Variants in HAO1 observed in about 807,000 individuals in gnomAD.
The protein encoded by HAO1 is hydroxyacid oxidase 1, also known as 2-Hydroxyacid oxidase 1.
Under a neutral mutation model 39.7 loss-of-function variants are expected in HAO1, and 34 were observed. The ratio of observed to expected loss-of-function variants is 0.86; its 90% CI spans 0.65 to 1.14. The LOEUF (loss-of-function observed/expected upper bound fraction) is 1.14, where lower values mean the gene tolerates loss of function less well. Ranked by LOEUF, HAO1 falls within the 50% of genes most tolerant of loss-of-function variation. The pLI, the probability that HAO1 is intolerant of heterozygous loss-of-function variation, is 0.00. For synonymous variants in HAO1, 172 were observed against 173.2 expected (o/e 0.99, Z 0.05); for missense variants, 479 against 464.5 (o/e 1.03, Z -0.29).
chr20:7,898,955 A>T (rs1447748000), intron 4 of HAO1, among the ~76,000 whole-genome samples: 1 of 152,064 alleles, frequency 6.6e-6, no homozygotes, highest in African/African-American at 2.4e-5. Flanking sequence ...TAAAAAAAAA[A>T]AAACAAAAAA....
chr20:7,893,837 C>T (rs2050184830), intron 5 of HAO1, among the ~76,000 whole-genome samples: 1 of 152,154 alleles, frequency 6.6e-6, no homozygotes, highest in Non-Finnish European at 1.5e-5. Context: ...TAAACTCTTC[C>T]TCTATTGCAA....
intron 5 of HAO1, among the ~76,000 whole-genome samples, chr20:7,894,191 G>A (rs908566268): frequency 6.6e-6 from 1 of 152,066 alleles, no homozygotes; most frequent in Non-Finnish European, 1.5e-5. Context: ...CAGGAAATGT[G>A]TCCCTCTCCA....
chr20:7,914,424 G>A lies in HAO1; in HGVS notation c.290-5C>T. 6.2e-7 allele frequency: 1 copy of A among 1,612,464 alleles called. No homozygotes were observed. Among genetic ancestry groups the A allele is most frequent in the Non-Finnish European group, 8.5e-7 (1 of 1,179,090 alleles). ...CCGTTCCCAGGGACTGACAGGCTGA[G>A]AAAGAAAGGGGATGATCAAGATGGG... On this transcript the variant is annotated splice_polypyrimidine_tract_variant and splice_region_variant and intron_variant, in intron 2 of 7. Transcript: ENST00000378789.
chr20:7,902,184 T>C (rs2050223971), intron 4 of HAO1, among the ~76,000 whole-genome samples: 1 of 152,246 alleles, frequency 6.6e-6, no homozygotes, highest in Non-Finnish European at 1.5e-5. Context: ...TTGAGAGGAC[T>C]GACTCCAATG....
At chr20:7,936,547 T>TGTGTGC (rs751822933) in intron 1 of HAO1, among the ~76,000 whole-genome samples, 13 of 136,738 alleles carry the variant, frequency 9.5e-5, no homozygotes, top group African/African-American at 3.4e-4. Flanking sequence ...TGTGTGTGTG[T>TGTGTGC]TCGCGCGCGC....
At chr20:7,912,329 T>C (rs1313414551) in intron 3 of HAO1, among the ~76,000 whole-genome samples, 1 of 152,156 alleles carries the variant, frequency 6.6e-6, no homozygotes, top group African/African-American at 2.4e-5. Flanking sequence ...AACTGTGTCA[T>C]CTGCACCCCA....
Position 7,883,582 on chromosome 20 carries a change from A to G in HAO1, c.*11T>C, listed in dbSNP as rs2050137751. 6.3e-7 allele frequency: 1 copy of G among 1,599,642 alleles called. No homozygotes were observed. The highest frequency in any genetic ancestry group is 1.1e-5 in the South Asian group (1 of 90,792). On this transcript the variant is annotated 3_prime_UTR_variant, in exon 8 of 8. Transcript: ENST00000378789. ...AAAAAAATAATACAGATGGGAAAAT[A>G]TTGTGCACTGTCAGATCTTGGAAAC...
intron 2 of HAO1, among the ~76,000 whole-genome samples, chr20:7,933,858 T>G (rs1026205949): frequency 6.6e-6 from 1 of 152,176 alleles, no homozygotes; most frequent in Non-Finnish European, 1.5e-5. Flanking sequence ...TTACATCATA[T>G]TTGATTTTCT....
intron 4 of HAO1, among the ~76,000 whole-genome samples, chr20:7,898,515 A>G (rs1047896714): frequency 9.2e-5 from 14 of 152,162 alleles, no homozygotes; most frequent in African/African-American, 3.4e-4. Context: ...TCAGTCCATC[A>G]TTTTAAACCA....
At chr20:7,905,598 G>A (rs947895568) in intron 4 of HAO1, among the ~76,000 whole-genome samples, 3 of 152,166 alleles carry the variant, frequency 2.0e-5, no homozygotes, top group African/African-American at 7.2e-5. Context: ...GGATGCTGGA[G>A]GAAATAGTTA....
At chr20:7,920,070 A>G (rs1387248777) in intron 2 of HAO1, among the ~76,000 whole-genome samples, 1 of 152,058 alleles carries the variant, frequency 6.6e-6, no homozygotes, top group African/African-American at 2.4e-5. Context: ...TTTTAATCCC[A>G]CGCATCAAGG....
In HAO1 at chr20:7,906,323, T is replaced by G. The variant is rs987959356; in HGVS notation, c.552A>C (p.Lys184Asn). The G allele has an allele frequency of 2.5e-6, 4 of 1,590,224 alleles. No individual in the cohort carries two copies. The Middle Eastern group carries it at 5.0e-4, about 199-fold the overall frequency. The change falls in exon 4 of 8, where the codon AAA (lysine) becomes AAC (asparagine). Residue 184 changes from lysine (K) to asparagine (N), a missense_variant. By Grantham distance (94) the Lys-to-Asn change is moderately conservative. Coordinates refer to ENST00000378789, the MANE Select transcript of HAO1 (RefSeq NM_017545.3). The part of the protein sequence containing the change: ...RFKLPPQLRM[K>N]NFETSTLSFS... ...ATGATAAAGTACTGGTTTCAAAATT[T>G]TTCATCCTAAAATAAGAAATGCATA...
At chr20:7,911,226 G>T (rs1412965579) in intron 3 of HAO1, among the ~76,000 whole-genome samples, 1 of 152,176 alleles carries the variant, frequency 6.6e-6, no homozygotes, top group Non-Finnish European at 1.5e-5. Flanking sequence ...AGAGACCTGA[G>T]AAGACAGTGG....
At chr20:7,922,359 G>T (rs1600117824) in intron 2 of HAO1, among the ~76,000 whole-genome samples, 1 of 152,140 alleles carries the variant, frequency 6.6e-6, no homozygotes, top group Admixed American at 6.5e-5. Flanking sequence ...ACCCATTGAT[G>T]TCAGGAATGT....
intron 4 of HAO1, among the ~76,000 whole-genome samples, chr20:7,899,967 C>T (rs900454684): frequency 1.8e-4 from 28 of 151,960 alleles, no homozygotes; most frequent in Admixed American, 1.7e-3. Context: ...TAATTTAAAA[C>T]AAGGTATAAA....
rs1182056560 is a variant in HAO1, at chr20:7,895,204, C to T, written c.742G>A (p.Val248Ile). The stretch of plus-strand genomic sequence containing the variant: ...AAGATCCCATTCAAGCCATGTTTAA[C>T]AGCCTCCCTGGCATCATCACCTGGA... ...ILRGDDAREAVKHGLNGILVS... is the reference protein window; with the variant it reads ...ILRGDDAREAIKHGLNGILVS... The change falls in exon 5 of 8, where the codon GTT becomes ATT. Residue 248 changes from valine to isoleucine, a missense_variant. Val to Ile is a conservative substitution (Grantham distance 29). Coordinates refer to ENST00000378789, the MANE Select transcript of HAO1 (RefSeq NM_017545.3). The T allele has an allele frequency of 1.2e-6, 2 of 1,610,594 alleles. No homozygotes were observed. The highest frequency in any genetic ancestry group is 1.7e-6 in the Non-Finnish European group (2 of 1,177,002).
At chr20:7,884,535 A>G (rs898001270) in intron 7 of HAO1, among the ~76,000 whole-genome samples, 2 of 152,210 alleles carry the variant, frequency 1.3e-5, no homozygotes, top group African/African-American at 2.4e-5. Context: ...ATGTGAACAC[A>G]TGAAAGATGA....
chr20:7,890,709 T>C (rs1352303393), intron 5 of HAO1, among the ~76,000 whole-genome samples: 1 of 152,080 alleles, frequency 6.6e-6, no homozygotes, highest in East Asian at 1.9e-4. Flanking sequence ...CCCTATTCTT[T>C]CCCCCAAGTC....
At chr20:7,887,049 A>T (rs1299980366) in intron 5 of HAO1, among the ~76,000 whole-genome samples, 3 of 152,206 alleles carry the variant, frequency 2.0e-5, no homozygotes, top group Non-Finnish European at 2.9e-5. Flanking sequence ...ACACTGGTCA[A>T]TACAAACTTT....
Sources: gnomAD v4.1 joint callset for allele counts (sites outside exome capture counted in the v4.1 genomes callset) on GRCh38, gnomAD v4.1.1 for gene constraint, MANE v1.5 for transcripts, NCBI Gene and HGNC (gene_info 2026-07-23, HGNC 2026-07-21) for gene names.